Variants in B3GALT1 observed in about 807,000 individuals in gnomAD.
B3GALT1 encodes the protein beta-1,3-galactosyltransferase 1.
Under a neutral mutation model 23.2 loss-of-function variants are expected in B3GALT1, and 10 were observed. That is an observed-to-expected ratio of 0.43 (90% CI 0.27 to 0.73). The LOEUF (loss-of-function observed/expected upper bound fraction) is 0.73. Ranked by LOEUF, B3GALT1 falls within the 30% of genes least tolerant of loss-of-function variation. The probability of loss-of-function intolerance (pLI) is 0.21; values close to 1 mark genes in which losing one functional copy is unlikely to be tolerated. For missense variants in B3GALT1, 299 were observed against 405.4 expected, an observed-to-expected ratio of 0.74 and a Z score of 2.25; for synonymous variants, 156 against 141.5, an observed-to-expected ratio of 1.10 and a Z score of -0.73.
rs190594870 is a variant in B3GALT1, at chr2:167,509,169, T to C, written c.-410+18892T>C. On this transcript the variant is annotated intron_variant, in intron 2 of 4. Transcript: ENST00000392690. ...TATGCAGAGAGTTCTTACTAAGCAA[T>C]AGTAGAAAGTTAGCACATAGGAAAA... Among the ~76,000 whole-genome samples the C allele has an allele frequency of 1.4e-3, 212 of 152,298 alleles. 3 individuals are homozygous for C. Among genetic ancestry groups the C allele is most frequent in the Admixed American group, 0.012 (177 of 15,306 alleles).
intron 1 of B3GALT1, among the ~76,000 whole-genome samples, chr2:167,389,776 GTGTCTCATGCCTA>G (rs1174321768): frequency 6.6e-6 from 1 of 152,006 alleles, no homozygotes; most frequent in Non-Finnish European, 1.5e-5. Flanking sequence ...GCCGGGCAGG[GTGTCTCATGCCTA>G]TAGTCCCAGT....
In B3GALT1 at chr2:167,556,963, T is replaced by C. The variant is rs1375658987; in HGVS notation, c.-410+66686T>C. 3.3e-5 allele frequency among the ~76,000 whole-genome samples: 5 copies of C among 152,200 alleles called. No homozygotes were observed. In the South Asian group the frequency reaches 8.3e-4, roughly 25 times the overall value. ...GTGAAAAGACTGGAGAAATAAGGAA[T>C]TGTGCCCTTGGGTCCAGCCAAAGTT... is the stretch of plus-strand genomic sequence containing the variant. On this transcript the variant is annotated intron_variant, in intron 2 of 4. Coordinates refer to ENST00000392690, the MANE Select transcript of B3GALT1 (RefSeq NM_020981.4).
chr2:167,512,556 GTATATATATA>G (rs796201322), intron 2 of B3GALT1, among the ~76,000 whole-genome samples: 1 of 60,532 alleles, frequency 1.7e-5, no homozygotes, highest in Non-Finnish European at 2.8e-5. Flanking sequence ...GTATATATAT[GTATATATATA>G]TGTATATATA....
At position 167,512,517 on chromosome 2, in the gene B3GALT1, CAT is replaced by C. The variant is rs765232185; in HGVS notation, c.-410+22247_-410+22248del. ...TATTTATATTATACATGCATATATA[CAT>C]ATATATGTGTGTGTGTATATATATA... On this transcript the variant is annotated intron_variant, in intron 2 of 4. Transcript: ENST00000392690. 2.3e-3 allele frequency among the ~76,000 whole-genome samples: 303 copies of C among 131,858 alleles called. 5 individuals are homozygous for C. Among genetic ancestry groups the C allele is most frequent in the Non-Finnish European group, 3.9e-3 (242 of 62,464 alleles). 86.5% of individuals were successfully genotyped at this position (131,858 alleles called of 152,430 possible).
chr2:167,775,319 C>G (rs1306693179), intron 3 of B3GALT1, among the ~76,000 whole-genome samples: 2 of 151,938 alleles, frequency 1.3e-5, no homozygotes, highest in Admixed American at 6.6e-5. Context: ...GCCTGTAATC[C>G]CAGCACTTTG....
chr2:167,657,554 A>G (rs999671849), intron 3 of B3GALT1, among the ~76,000 whole-genome samples: 1 of 152,114 alleles, frequency 6.6e-6, no homozygotes, highest in Non-Finnish European at 1.5e-5. Flanking sequence ...TATCAGATAA[A>G]TTTAGTTTCT....
intron 4 of B3GALT1, among the ~76,000 whole-genome samples, chr2:167,838,484 T>A (rs969687271): frequency 6.6e-6 from 1 of 152,282 alleles, no homozygotes. Flanking sequence ...CAGGAAGAAG[T>A]TGAATCTCTG....
At chr2:167,862,937 C>G (rs900988371) in intron 4 of B3GALT1, 33 of 152,106 alleles carry the variant, frequency 2.2e-4, no homozygotes, top group African/African-American at 8.0e-4. Flanking sequence ...AAAAGTCTTT[C>G]GAGTGTTCCA....
intron 1 of B3GALT1, among the ~76,000 whole-genome samples, chr2:167,384,389 A>T (rs1382499620): frequency 6.6e-6 from 1 of 152,168 alleles, no homozygotes; most frequent in Non-Finnish European, 1.5e-5. Context: ...CATGGTAAGC[A>T]TCATGTGCTC....
At chr2:167,557,685 G>C (rs926182917) in intron 2 of B3GALT1, among the ~76,000 whole-genome samples, 6 of 152,236 alleles carry the variant, frequency 3.9e-5, no homozygotes, top group African/African-American at 1.2e-4. Context: ...TGTTTTTCTT[G>C]GTAGCTGGTA....
chr2:167,545,184 G>A (rs1030072627), intron 2 of B3GALT1, among the ~76,000 whole-genome samples: 18 of 151,554 alleles, frequency 1.2e-4, no homozygotes, highest in Non-Finnish European at 2.5e-4. Flanking sequence ...ACAGGTGCCC[G>A]CCACCACGCC....
Position 167,416,599 on chromosome 2 carries a change from A to T in B3GALT1, c.-510-73578A>T, listed in dbSNP as rs532932127. 4.6e-5 allele frequency among the ~76,000 whole-genome samples: 7 copies of T among 152,246 alleles called. No homozygotes were observed. In the East Asian group the frequency reaches 1.4e-3, roughly 29 times the overall value. On this transcript the variant is annotated intron_variant, in intron 1 of 4. Transcript: ENST00000392690. ...TCTCCACTAGGGCAATGCTGAGTGG[A>T]GCCATGGAAGCACCACTGGGACTCC...
chr2:167,670,602 A>G (rs1008378491), intron 3 of B3GALT1, among the ~76,000 whole-genome samples: 1 of 152,222 alleles, frequency 6.6e-6, no homozygotes, highest in African/African-American at 2.4e-5. Flanking sequence ...GTAGTTCAAA[A>G]TAATTGTTTT....
intron 3 of B3GALT1, among the ~76,000 whole-genome samples, chr2:167,801,247 A>C (rs930372222): frequency 6.6e-6 from 1 of 152,200 alleles, no homozygotes; most frequent in Non-Finnish European, 1.5e-5. Context: ...CAAAGAACCC[A>C]TCCCTGGAAA....
chr2:167,515,256 G>T (rs894031379), intron 2 of B3GALT1, among the ~76,000 whole-genome samples: 2 of 152,104 alleles, frequency 1.3e-5, no homozygotes, highest in Non-Finnish European at 2.9e-5. Flanking sequence ...TAAGTATATA[G>T]ATTTCAGCTA....
Position 167,463,744 on chromosome 2 carries a change from C to G in B3GALT1, c.-510-26433C>G, listed in dbSNP as rs6714851. 5.8e-3 allele frequency among the ~76,000 whole-genome samples: 883 copies of G among 152,160 alleles called. 9 individuals are homozygous for G. The highest frequency in any genetic ancestry group is 0.02 in the African/African-American group (847 of 41,510). On this transcript the variant is annotated intron_variant, in intron 1 of 4. Transcript: ENST00000392690. ...TAGCCAAGTAAAAGATATGAAAATG[C>G]AAAGTGTAAGACCAAATGTAAAAAT...
chr2:167,518,970 T>G (rs143211406), intron 2 of B3GALT1, among the ~76,000 whole-genome samples: 120 of 152,316 alleles, frequency 7.9e-4, no homozygotes, highest in Non-Finnish European at 1.5e-3. Flanking sequence ...AGGCCATAAT[T>G]TGGATCCCCA....
intron 3 of B3GALT1, among the ~76,000 whole-genome samples, chr2:167,679,103 T>C (rs1404340395): frequency 1.4e-5 from 2 of 141,544 alleles, no homozygotes; most frequent in Non-Finnish European, 3.1e-5. Flanking sequence ...TTTGTTTTTG[T>C]TTTTGTTTTT....
intron 3 of B3GALT1, among the ~76,000 whole-genome samples, chr2:167,670,572 C>A (rs1462317273): frequency 1.3e-5 from 2 of 152,108 alleles, no homozygotes; most frequent in African/African-American, 4.8e-5. Context: ...AGAAGTGGAG[C>A]TCTATGAACT....
Sources: allele counts gnomAD v4.1 joint callset (sites outside exome capture counted in the v4.1 genomes callset), GRCh38; gene constraint gnomAD v4.1.1; transcripts MANE v1.5; gene names NCBI Gene and HGNC (gene_info 2026-07-23, HGNC 2026-07-21).